FYB1: variants seen among roughly 807,000 people sequenced by gnomAD.
The protein encoded by FYB1 is FYN-binding protein 1.
FYB1 carries 41 observed loss-of-function variants against 94.1 expected under a neutral mutation model. That is an observed-to-expected ratio of 0.44 (90% confidence interval 0.34 to 0.57). The LOEUF (loss-of-function observed/expected upper bound fraction) is 0.57, where lower values mean the gene tolerates loss of function less well. Ranked by LOEUF, FYB1 falls within the 20% of genes least tolerant of loss-of-function variation. The pLI is 0.02. For synonymous variants in FYB1, 367 were observed against 353.2 expected, an observed-to-expected ratio of 1.04 and a Z score of -0.44; for missense variants, 1,050 against 976.8, an observed-to-expected ratio of 1.07 and a Z score of -1.00.
intron 1 of FYB1, among the ~76,000 whole-genome samples, chr5:39,245,602 CTT>C (rs200601347): frequency 2.8e-5 from 4 of 140,890 alleles, no homozygotes; most frequent in African/African-American, 5.1e-5. Context: ...GAGGAAGAGG[CTT>C]TTTTTTTTTT....
rs756169085 is a variant in FYB1, at chr5:39,134,197, C to G, written c.1817+11G>C. On this transcript the variant is annotated intron_variant, in intron 9 of 18. Transcript: ENST00000512982. Reference sequence around the variant, plus strand: ...AGTTTGATCTGTTCTACAATACGTACTTGCACATACCTGCTAATATCATCC... The same window carrying G: ...AGTTTGATCTGTTCTACAATACGTAGTTGCACATACCTGCTAATATCATCC... The G allele has an allele frequency of 6.2e-7, 1 of 1,601,658 alleles. No homozygotes were observed. Among genetic ancestry groups the G allele is most frequent in the South Asian group, 1.1e-5 (1 of 90,560 alleles).
intron 1 of FYB1, among the ~76,000 whole-genome samples, chr5:39,263,958 G>A (rs1579808700): frequency 6.6e-6 from 1 of 152,226 alleles, no homozygotes; most frequent in South Asian, 2.1e-4. Context: ...TTCCAGGTCT[G>A]AATGTTTGTG....
intron 1 of FYB1, among the ~76,000 whole-genome samples, chr5:39,203,451 C>A (rs1219719068): frequency 6.6e-6 from 1 of 152,030 alleles, no homozygotes; most frequent in Non-Finnish European, 1.5e-5. Context: ...GTGCTTCATA[C>A]AGCATGGCCA....
chr5:39,207,224 G>T (rs7723407), intron 1 of FYB1, among the ~76,000 whole-genome samples: 4 of 152,016 alleles, frequency 2.6e-5, no homozygotes, highest in Non-Finnish European at 4.4e-5. Context: ...GAAGCAATTT[G>T]TTATTATTTC....
chr5:39,211,550 C>G (rs1429776066), intron 1 of FYB1, among the ~76,000 whole-genome samples: 1 of 152,064 alleles, frequency 6.6e-6, no homozygotes, highest in Non-Finnish European at 1.5e-5. Context: ...ACCTCTTGAT[C>G]CGCCTGCCTC....
At chr5:39,251,496 T>C (rs920948968) in intron 1 of FYB1, among the ~76,000 whole-genome samples, 1 of 152,148 alleles carries the variant, frequency 6.6e-6, no homozygotes, top group African/African-American at 2.4e-5. Context: ...GGCCAGATCC[T>C]GCCTTGACCT....
chr5:39,243,983 A>T (rs966384171), intron 1 of FYB1, among the ~76,000 whole-genome samples: 1 of 152,158 alleles, frequency 6.6e-6, no homozygotes, highest in Non-Finnish European at 1.5e-5. Flanking sequence ...ATTTTTGCAC[A>T]CTGATTTTGT....
At chr5:39,170,044 G>T in intron 2 of FYB1, 1 of 807,354 alleles carries the variant, frequency 1.2e-6, no homozygotes, top group Non-Finnish European at 2.2e-6. Context: ...AGGATGAGAG[G>T]CCTCCACTGG....
intron 16 of FYB1, 173 bp from the exon 17 acceptor site, chr5:39,110,562 C>T: frequency 4.1e-6 from 2 of 484,648 alleles, no homozygotes; most frequent in Non-Finnish European, 3.8e-6. Context: ...TCCTTCCTTT[C>T]TTCTCCTTTT....
chr5:39,145,116 G>A (rs6896856), intron 3 of FYB1, among the ~76,000 whole-genome samples: 39,747 of 152,058 alleles, frequency 0.26, 5,580 homozygotes, highest in African/African-American at 0.37. Flanking sequence ...TGAAAGGAAC[G>A]TGGAGGCTCG....
intron 2 of FYB1, among the ~76,000 whole-genome samples, chr5:39,200,609 C>A (rs985856613): frequency 3.3e-5 from 5 of 152,216 alleles, no homozygotes; most frequent in African/African-American, 7.2e-5. Context: ...CAAGGATGAA[C>A]CTTTCTGGAA....
At chr5:39,239,644 C>T (rs1450985370) in intron 1 of FYB1, among the ~76,000 whole-genome samples, 2 of 152,094 alleles carry the variant, frequency 1.3e-5, no homozygotes, top group Non-Finnish European at 2.9e-5. Context: ...CAAAACACTG[C>T]TCAAAGAAAT....
intron 1 of FYB1, among the ~76,000 whole-genome samples, chr5:39,236,060 T>A (rs1249468485): frequency 2.0e-5 from 3 of 151,940 alleles, no homozygotes; most frequent in African/African-American, 7.2e-5. Flanking sequence ...CAGGACCCTA[T>A]GATATCTTTT....
intron 16 of FYB1, among the ~76,000 whole-genome samples, chr5:39,115,232 C>A (rs899886542): frequency 1.6e-4 from 24 of 151,968 alleles, no homozygotes; most frequent in African/African-American, 5.5e-4. Context: ...AGTAGCTGGA[C>A]TACAGGCATG....
rs1201859125 is a variant in FYB1 at position 39,153,510 on chromosome 5, G to A, written c.1230C>T (p.His410=). 1 of 1,613,962 alleles carries A rather than the reference G, an allele frequency of 6.2e-7. No homozygotes were observed. Among genetic ancestry groups the A allele is most frequent in the Non-Finnish European group, 8.5e-7 (1 of 1,179,874 alleles). The change falls in exon 3 of 19, where the codon CAC becomes CAT. Residue 410 remains histidine (H), a synonymous_variant. Transcript: ENST00000512982. ...GGCTTGGGACTGGTGGTTGTGATGG[G>A]TGAGATGCTGGCAATGGTGGTTGGC... is the stretch of plus-strand genomic sequence containing the variant. The part of the protein sequence containing the change: ...PASQPPLPAS[H]PSQPPVPSLP...
At chr5:39,184,989 C>T (rs977567098) in intron 2 of FYB1, among the ~76,000 whole-genome samples, 4 of 152,204 alleles carry the variant, frequency 2.6e-5, no homozygotes, top group African/African-American at 9.6e-5. Flanking sequence ...ATACAAAGTA[C>T]TGTAAGTGAA....
chr5:39,161,322 CTG>C (rs1744230479), intron 2 of FYB1, among the ~76,000 whole-genome samples: 1 of 152,128 alleles, frequency 6.6e-6, no homozygotes, highest in Middle Eastern at 3.4e-3. Context: ...AAAAAGCAAA[CTG>C]TAAAATAAAT....
chr5:39,180,993 T>C (rs1288838576), intron 2 of FYB1, among the ~76,000 whole-genome samples: 1 of 152,220 alleles, frequency 6.6e-6, no homozygotes, highest in African/African-American at 2.4e-5. Context: ...ACTCACTCAT[T>C]CGTTCAACCA....
chr5:39,246,642 A>G lies in FYB1; in HGVS notation c.-28+27761T>C, dbSNP rs191835061. Reference sequence around the variant, plus strand: ...TCTGAGAGTTGAAAGTGACTTTTATAGTGGAAGAGTGAAAATTAAAAGTCC... The same window carrying G: ...TCTGAGAGTTGAAAGTGACTTTTATGGTGGAAGAGTGAAAATTAAAAGTCC... On this transcript the variant is annotated intron_variant, in intron 1 of 1. Transcript: ENST00000510188. Among the ~76,000 whole-genome samples, 702 of 152,302 alleles carry G rather than the reference A, an allele frequency of 4.6e-3. 2 individuals carry two copies. The highest frequency in any genetic ancestry group is 8.2e-3 in the Non-Finnish European group (555 of 68,014).
Sources: allele counts gnomAD v4.1 joint callset (sites outside exome capture counted in the v4.1 genomes callset), GRCh38; gene constraint gnomAD v4.1.1; transcripts MANE v1.5; gene names NCBI Gene and HGNC (gene_info 2026-07-23, HGNC 2026-07-21).